DIP2A: variants seen among roughly 807,000 people sequenced by gnomAD.
DIP2A encodes disco-interacting protein 2 homolog A.
DIP2A carries 85 observed loss-of-function variants against 177.4 expected under a neutral mutation model. That is an observed-to-expected ratio of 0.48 (90% CI 0.40 to 0.57). DIP2A has a LOEUF of 0.57. DIP2A is among the 20% of genes least tolerant of loss of function. The probability of loss-of-function intolerance (pLI) is 0.00; values close to 1 mark genes in which losing one functional copy is unlikely to be tolerated. For missense variants in DIP2A, 1,791 were observed against 2,100.2 expected (o/e 0.85, Z 2.88); for synonymous variants, 886 against 881.8 (o/e 1.00, Z -0.08).
chr21:46,465,930 C>T (rs1043969664), intron 1 of DIP2A, among the ~76,000 whole-genome samples: 2 of 152,126 alleles, frequency 1.3e-5, no homozygotes, highest in African/African-American at 4.8e-5. Flanking sequence ...GGGTAGCAGA[C>T]AATCTGCAGT....
intron 8 of DIP2A, among the ~76,000 whole-genome samples, chr21:46,515,908 T>C (rs1022608438): frequency 6.6e-6 from 1 of 152,178 alleles, no homozygotes; most frequent in African/African-American, 2.4e-5. Context: ...ATACATTCCT[T>C]CCTGAGATTC....
chr21:46,492,698 C>T (rs1202025938), intron 3 of DIP2A, among the ~76,000 whole-genome samples: 1 of 152,154 alleles, frequency 6.6e-6, no homozygotes, highest in Non-Finnish European at 1.5e-5. Context: ...CGTGGTTGTT[C>T]ACGCCTGTAA....
chr21:46,573,864 A>T (rs187073036), downstream of DIP2A, among the ~76,000 whole-genome samples: 1 of 152,204 alleles, frequency 6.6e-6, no homozygotes, highest in African/African-American at 2.4e-5. Flanking sequence ...ATGAAAACTG[A>T]CAATAGAAGG....
Position 46,534,699 on chromosome 21 carries a change from C to A in DIP2A, c.1642+12C>A. ...CGGGTACTCAGAAGGTAAGGGCTCT[C>A]GGGGGTGGGGCGGTGGCCCCTCCAG... On this transcript the variant is annotated intron_variant, in intron 13 of 37. Transcript: ENST00000417564. The A allele has an allele frequency of 6.2e-7, 1 of 1,601,856 alleles. No individual in the cohort carries two copies.
intron 1 of DIP2A, among the ~76,000 whole-genome samples, chr21:46,481,676 A>T (rs558503618): frequency 4.4e-4 from 67 of 152,306 alleles, no homozygotes; most frequent in Non-Finnish European, 7.5e-4. Context: ...GTGGTATCTC[A>T]TTATGGTTTT....
At chr21:46,489,085 A>G (rs1349189248) in intron 2 of DIP2A, among the ~76,000 whole-genome samples, 1 of 152,176 alleles carries the variant, frequency 6.6e-6, no homozygotes, top group Non-Finnish European at 1.5e-5. Context: ...ACACACAGAC[A>G]CACACAAACA....
chr21:46,537,084 G>T lies in DIP2A; in HGVS notation c.1643-140G>T. ...AGATAACCAGGATTATTATTAATTG[G>T]TATGTGGTATTTGGAAATGCTGTAT... is the stretch of plus-strand genomic sequence containing the variant. On this transcript the variant is annotated intron_variant, in intron 13 of 37. Transcript: ENST00000417564. This position sits in a 1 kb window ranked among gnomAD's most constrained non-coding sequence, Gnocchi z 4.1. 2 of 789,578 alleles carry T rather than the reference G, an allele frequency of 2.5e-6. No homozygotes were observed. Among genetic ancestry groups the T allele is most frequent in the Non-Finnish European group, 4.5e-6 (2 of 445,022 alleles). The allele number at this position is 789,578 out of a possible 1,614,324, so 48.9% of individuals were successfully genotyped here. A position where few individuals can be genotyped will look rare whatever the true frequency, so the allele number is the denominator to read the frequency against.
chr21:46,496,170 G>A (rs189169365), intron 3 of DIP2A, among the ~76,000 whole-genome samples: 3 of 152,054 alleles, frequency 2.0e-5, no homozygotes, highest in African/African-American at 4.8e-5. Context: ...TAGAGCGCTG[G>A]GATTACAGGC....
chr21:46,565,567 CATAAA>C (rs2148922933), intron 35 of DIP2A, 141 bp from the exon 36 acceptor site: 1 of 828,638 alleles, frequency 1.2e-6, no homozygotes. Context: ...TAACTTAGTT[CATAAA>C]ATAAGAGACA....
intron 21 of DIP2A, among the ~76,000 whole-genome samples, chr21:46,548,405 G>A (rs1282044760): frequency 2.0e-5 from 3 of 152,156 alleles, no homozygotes; most frequent in African/African-American, 7.2e-5. Flanking sequence ...TCTGCAGGCA[G>A]GATAGCCTCC....
intron 2 of DIP2A, among the ~76,000 whole-genome samples, chr21:46,485,938 G>A (rs1483214548): frequency 6.6e-6 from 1 of 151,806 alleles, no homozygotes; most frequent in African/African-American, 2.4e-5. Flanking sequence ...GGGCATGGTG[G>A]TGCGTACCTG....
rs770623604 is a variant in DIP2A, at chr21:46,566,558, A to C, written c.4340-2A>C. The C allele has an allele frequency of 6.2e-7, 1 of 1,614,034 alleles. No homozygotes were observed. The highest frequency in any genetic ancestry group is 8.5e-7 in the Non-Finnish European group (1 of 1,179,890). ...GCACGTGTAAACACACACTGTTCAC[A>C]GGGCGGCACGATGCACTGTATGTGG... On this transcript the variant is annotated splice_acceptor_variant, in intron 36 of 37. Transcript: ENST00000417564. LOFTEE classifies it high-confidence loss of function.
At chr21:46,490,576 T>C (rs1350022917) in intron 2 of DIP2A, 24 bp from the exon 3 acceptor site, 1 of 1,543,444 alleles carries the variant, frequency 6.5e-7, no homozygotes, top group Non-Finnish European at 8.7e-7. Context: ...TCACATAAGG[T>C]ATTCCCATAA....
At position 46,545,909 on chromosome 21, in the gene DIP2A, C is replaced by G; in HGVS notation, c.2342C>G (p.Pro781Arg). Reference protein sequence around the residue: ...EAVPVTTGGAPIFDRPFTRTG... With the variant: ...EAVPVTTGGARIFDRPFTRTG... Reference sequence around the variant, plus strand: ...GTTCCGGTCACCACAGGAGGAGCACCCATCTTTGACAGGCCATTCACCAGG... The same window carrying G: ...GTTCCGGTCACCACAGGAGGAGCACGCATCTTTGACAGGCCATTCACCAGG... The change falls in exon 20 of 38, where the codon CCC becomes CGC. Residue 781 changes from proline to arginine, a missense_variant. Pro to Arg is a moderately radical substitution (Grantham distance 103, BLOSUM62 -2). Coordinates refer to ENST00000417564, the MANE Select transcript of DIP2A (RefSeq NM_015151.4). 1 of 1,613,964 alleles carries G rather than the reference C, an allele frequency of 6.2e-7. No individual in the cohort carries two copies. The highest frequency in any genetic ancestry group is 1.3e-5 in the African/African-American group (1 of 75,046).
chr21:46,572,269 A>T (rs4819265), downstream of DIP2A, among the ~76,000 whole-genome samples: 16 of 152,050 alleles, frequency 1.1e-4, no homozygotes, highest in African/African-American at 3.9e-4. Context: ...ATAAAGTTAC[A>T]GTAAGCTAAG....
chr21:46,529,207 G>C, intron 9 of DIP2A, 24 bp downstream of exon 9: 2 of 1,369,992 alleles, frequency 1.5e-6, no homozygotes. Flanking sequence ...ATGTCACTTT[G>C]TTGGAAGGAG....
the DIP2A span, among the ~76,000 whole-genome samples, chr21:46,575,883 G>T: frequency 6.6e-6 from 1 of 152,256 alleles, no homozygotes; most frequent in African/African-American, 2.4e-5. Flanking sequence ...GGTTTTTGCA[G>T]AAAGACTAAC....
chr21:46,533,497 C>A (rs369731871), intron 10 of DIP2A, 27 bp from the exon 11 acceptor site: 27 of 1,607,256 alleles, frequency 1.7e-5, no homozygotes, highest in Non-Finnish European at 2.1e-5. Flanking sequence ...AGCACCCCAC[C>A]CCACACGGTC....
rs992965953 is a variant in DIP2A at position 46,554,376 on chromosome 21, G to A, written c.3154+84G>A. On this transcript the variant is annotated intron_variant, in intron 26 of 37. Coordinates refer to ENST00000417564, the MANE Select transcript of DIP2A (RefSeq NM_015151.4). ...GCAGCCCCCTAGACACTCCCTCCCC[G>A]AAGCATCTTCCAAAACTAAGCTCAG... 6.6e-5 allele frequency: 103 copies of A among 1,570,872 alleles called. No individual in the cohort carries two copies. In the Admixed American group the frequency reaches 1.3e-3, roughly 20 times the overall value.
Sources: allele counts gnomAD v4.1 joint callset (sites outside exome capture counted in the v4.1 genomes callset), GRCh38; gene constraint gnomAD v4.1.1; non-coding constraint Gnocchi (gnomAD v3.1); transcripts MANE v1.5; gene names NCBI Gene and HGNC (gene_info 2026-07-23, HGNC 2026-07-21).